PTPRD: variants seen among roughly 807,000 people sequenced by gnomAD.
The protein encoded by PTPRD is protein tyrosine phosphatase receptor type D, also known as receptor-type tyrosine-protein phosphatase delta.
A neutral mutation model predicts 214.5 loss-of-function variants in PTPRD; 34 were observed. That is an observed-to-expected ratio of 0.16 (90% CI 0.12 to 0.21). PTPRD has a LOEUF of 0.21. Ranked by LOEUF, PTPRD falls within the 10% of genes least tolerant of loss-of-function variation. The pLI, the probability that PTPRD is intolerant of heterozygous loss-of-function variation, is 1.00. For synonymous variants in PTPRD, 1,128 were observed against 845.7 expected, an observed-to-expected ratio of 1.33 and a Z score of -5.79; for missense variants, 2,545 against 2,398.7, an observed-to-expected ratio of 1.06 and a Z score of -1.27.
At chr9:9,833,262 A>C (rs1045467424) in intron 5 of PTPRD, among the ~76,000 whole-genome samples, 2 of 151,992 alleles carry the variant, frequency 1.3e-5, no homozygotes, top group Non-Finnish European at 2.9e-5. Context: ...AAAAGAGATA[A>C]ATTTTAAAGC....
intron 4 of PTPRD, among the ~76,000 whole-genome samples, chr9:9,998,129 A>T (rs4742647): frequency 0.37 from 33,930 of 91,742 alleles, 6,620 homozygotes; most frequent in East Asian, 0.7. Flanking sequence ...AAAAAAAAAA[A>T]ATATATATAT....
In PTPRD at chr9:10,510,208, A is replaced by C. The variant is rs112901693; in HGVS notation, c.-600+102190T>G. On this transcript the variant is annotated intron_variant, in intron 2 of 45. Transcript: ENST00000381196. ...GCTTAGTTTCATTCCTTTCTTTCCC[A>C]TACCACTCAGTATGGGTCTATGATT... Among the ~76,000 whole-genome samples the C allele has an allele frequency of 2.9e-3, 434 of 152,198 alleles. 2 individuals carry two copies. The highest frequency in any genetic ancestry group is 9.1e-3 in the African/African-American group (378 of 41,556).
chr9:9,670,232 G>C (rs1240326146), intron 7 of PTPRD, among the ~76,000 whole-genome samples: 1 of 152,108 alleles, frequency 6.6e-6, no homozygotes, highest in African/African-American at 2.4e-5. Context: ...ATATGGTTTG[G>C]CTGTGTCCCC....
chr9:10,583,036 A>G (rs1445543949), intron 2 of PTPRD, among the ~76,000 whole-genome samples: 1 of 152,204 alleles, frequency 6.6e-6, no homozygotes, highest in East Asian at 1.9e-4. Flanking sequence ...AGCAAGTATG[A>G]CCTTTGGATG....
intron 9 of PTPRD, among the ~76,000 whole-genome samples, chr9:9,225,066 T>C (rs1477460526): frequency 6.6e-6 from 1 of 152,048 alleles, no homozygotes; most frequent in Admixed American, 6.6e-5. Flanking sequence ...GGAATAATTG[T>C]TCCTGTTTTG....
At chr9:9,642,375 C>A (rs1235488630) in intron 7 of PTPRD, among the ~76,000 whole-genome samples, 3 of 150,986 alleles carry the variant, frequency 2.0e-5, no homozygotes, top group Non-Finnish European at 4.4e-5. Context: ...TGTAACTAAC[C>A]TGCACAATGT....
intron 26 of PTPRD, among the ~76,000 whole-genome samples, chr9:8,496,185 CACACACACACACACACACACACACAA>C (rs1446013574): frequency 5.5e-5 from 8 of 145,312 alleles, no homozygotes; most frequent in East Asian, 2.2e-4. Flanking sequence ...CACACACACA[CACACACACACACACACACACACACAA>C]ACACACACAC....
At chr9:8,731,716 C>T (rs554463269) in intron 12 of PTPRD, among the ~76,000 whole-genome samples, 1 of 152,264 alleles carries the variant, frequency 6.6e-6, no homozygotes, top group African/African-American at 2.4e-5. Flanking sequence ...AAATGGATGT[C>T]CCTTCTTCTT....
At chr9:9,601,173 A>C (rs1318387427) in intron 7 of PTPRD, among the ~76,000 whole-genome samples, 1 of 148,146 alleles carries the variant, frequency 6.8e-6, no homozygotes, top group African/African-American at 2.5e-5. Context: ...GAGTGGGGAG[A>C]GAGAGAGAAA....
chr9:10,267,381 C>G (rs535052397), intron 3 of PTPRD, among the ~76,000 whole-genome samples: 3 of 151,926 alleles, frequency 2.0e-5, no homozygotes, highest in Non-Finnish European at 4.4e-5. Flanking sequence ...TAGGAAGCAA[C>G]TATGGTTTAA....
At chr9:10,220,659 A>G (rs1396246382) in intron 3 of PTPRD, among the ~76,000 whole-genome samples, 2 of 151,788 alleles carry the variant, frequency 1.3e-5, no homozygotes, top group African/African-American at 2.4e-5. Context: ...ATATCCTAAA[A>G]CTTCATAGGA....
At chr9:9,385,937 A>T (rs1265227818) in intron 9 of PTPRD, among the ~76,000 whole-genome samples, 2 of 152,106 alleles carry the variant, frequency 1.3e-5, no homozygotes, top group East Asian at 3.9e-4. Flanking sequence ...ACAAGTATGA[A>T]CACTCACCAG....
rs974092309 is a variant in PTPRD at position 8,750,200 on chromosome 9, G to C, written c.-103-16254C>G. Among the ~76,000 whole-genome samples, 5 of 152,068 alleles carry C rather than the reference G, an allele frequency of 3.3e-5. No homozygotes were observed. The South Asian group carries it at 6.2e-4, about 19-fold the overall frequency. ...TGAGACAGAGTCTCATTCTATCTCC[G>C]AGGCTGGAGTGCCTTGGCAGGATCT... On this transcript the variant is annotated intron_variant, in intron 11 of 45. Transcript: ENST00000381196.
At chr9:9,008,753 T>A (rs1250131581) in intron 11 of PTPRD, among the ~76,000 whole-genome samples, 1 of 152,196 alleles carries the variant, frequency 6.6e-6, no homozygotes, top group Non-Finnish European at 1.5e-5. Flanking sequence ...TCCTTAGTTA[T>A]TACTGGGATT....
chr9:9,529,646 C>G (rs775576163), intron 8 of PTPRD, among the ~76,000 whole-genome samples: 1 of 151,898 alleles, frequency 6.6e-6, no homozygotes, highest in Non-Finnish European at 1.5e-5. Context: ...CCAGATTTTA[C>G]TGAAGATAAA....
intron 11 of PTPRD, among the ~76,000 whole-genome samples, chr9:9,013,078 G>A (rs1317314139): frequency 6.6e-6 from 1 of 152,072 alleles, no homozygotes; most frequent in Non-Finnish European, 1.5e-5. Context: ...AGATAATCTT[G>A]TTTGTTTGCT....
intron 7 of PTPRD, among the ~76,000 whole-genome samples, chr9:9,714,582 G>A (rs185694517): frequency 1.5e-3 from 225 of 152,256 alleles, no homozygotes; most frequent in African/African-American, 5.3e-3. Context: ...AAGTAACCCT[G>A]TATTTCTTTA....
chr9:9,344,561 A>C (rs2048106987), intron 9 of PTPRD, among the ~76,000 whole-genome samples: 1 of 152,002 alleles, frequency 6.6e-6, no homozygotes, highest in African/African-American at 2.4e-5. Flanking sequence ...ATATATATGC[A>C]TTTGTGATAC....
chr9:9,734,180 T>C (rs1812817787), intron 7 of PTPRD, among the ~76,000 whole-genome samples: 1 of 152,186 alleles, frequency 6.6e-6, no homozygotes, highest in South Asian at 2.1e-4. Context: ...CTTCTGCATT[T>C]GATCTATTTT....
Sources: allele counts gnomAD v4.1 joint callset (sites outside exome capture counted in the v4.1 genomes callset), GRCh38; gene constraint gnomAD v4.1.1; transcripts MANE v1.5; gene names NCBI Gene and HGNC (gene_info 2026-07-23, HGNC 2026-07-21).